NGLY1: variants seen among roughly 807,000 people sequenced by gnomAD.
NGLY1 encodes the protein peptide-N(4)-(N-acetyl-beta-glucosaminyl)asparagine amidase.
In NGLY1, 68 loss-of-function variants were observed where a neutral mutation model predicts 84.6. The ratio of observed to expected loss-of-function variants is 0.80; its 90% CI spans 0.66 to 0.98. The LOEUF (loss-of-function observed/expected upper bound fraction) is 0.98. NGLY1 is among the 50% of genes least tolerant of loss of function. The probability of loss-of-function intolerance (pLI) is 0.00; values close to 1 mark genes in which losing one functional copy is unlikely to be tolerated. For missense variants in NGLY1, 779 were observed against 770.2 expected (o/e 1.01, Z -0.14); for synonymous variants, 280 against 275.2 (o/e 1.02, Z -0.17).
chr3:25,735,527 T>C (rs1451938138), intron 7 of NGLY1: 2 of 152,794 alleles, frequency 1.3e-5, no homozygotes, highest in African/African-American at 4.8e-5. Context: ...AAAAGTCAGA[T>C]CATACTAAAT....
chr3:25,775,096 A>T (rs545654653), intron 2 of NGLY1, among the ~76,000 whole-genome samples: 1 of 152,338 alleles, frequency 6.6e-6, no homozygotes, highest in South Asian at 2.1e-4. Flanking sequence ...TCCCCGTCAC[A>T]CTTCGGGCAC....
chr3:25,772,299 A>C (rs943282881), intron 2 of NGLY1, among the ~76,000 whole-genome samples: 6 of 152,188 alleles, frequency 3.9e-5, no homozygotes, highest in Non-Finnish European at 8.8e-5. Flanking sequence ...TAGGTCTAGT[A>C]GCAATTGTTT....
intron 2 of NGLY1, among the ~76,000 whole-genome samples, chr3:25,772,574 T>C (rs1321391353): frequency 3.3e-5 from 5 of 152,220 alleles, no homozygotes; most frequent in Non-Finnish European, 5.9e-5. Flanking sequence ...AATACATGGT[T>C]GGTAAATTCT....
chr3:25,728,219 A>G (rs925543489), intron 10 of NGLY1, among the ~76,000 whole-genome samples: 2 of 152,142 alleles, frequency 1.3e-5, no homozygotes. Flanking sequence ...AGAGAAAAGC[A>G]GAGACCTTAT....
chr3:25,768,295 G>A (rs567715564), intron 2 of NGLY1, among the ~76,000 whole-genome samples: 5 of 150,684 alleles, frequency 3.3e-5, no homozygotes, highest in South Asian at 2.1e-4. Context: ...GCATGGTGGC[G>A]GACACCTGTA....
intron 2 of NGLY1, among the ~76,000 whole-genome samples, chr3:25,768,551 A>C (rs866715878): frequency 6.8e-6 from 1 of 148,018 alleles, no homozygotes; most frequent in African/African-American, 2.5e-5. Flanking sequence ...CAAAGATTTC[A>C]TAAGTAAGAC....
At chr3:25,750,832 T>C (rs1487363041) in intron 4 of NGLY1, among the ~76,000 whole-genome samples, 1 of 152,150 alleles carries the variant, frequency 6.6e-6, no homozygotes, top group Non-Finnish European at 1.5e-5. Flanking sequence ...ATGCTGGGGA[T>C]TGGTTCCAGG....
At chr3:25,783,530 AGGGGCGGGGTCCTCGGCCGGCAGGGG>A, upstream of NGLY1, 1 of 367,684 alleles carries the variant, frequency 2.7e-6, no homozygotes, top group Non-Finnish European at 3.7e-6. The surrounding 1 kb of genome is among the most constrained non-coding windows in gnomAD (Gnocchi z 4.5). Flanking sequence ...CTCGGCCGGC[AGGGGCGGGGTCCTCGGCCGGCAGGGG>A]CGGGGTCCTC....
exon 1 of NGLY1, chr3:25,789,873 T>C (rs1404203783): frequency 3.2e-6 from 5 of 1,551,750 alleles, no homozygotes; most frequent in Middle Eastern, 1.7e-4. Context: ...CATCGCGTTA[T>C]TGGCAGGTCC....
chr3:25,725,771 G>GAACAA (rs1305922760), intron 10 of NGLY1, among the ~76,000 whole-genome samples: 2 of 152,068 alleles, frequency 1.3e-5, no homozygotes, highest in African/African-American at 2.4e-5. Flanking sequence ...CTTGTAGAGT[G>GAACAA]AACAAAACAA....
intron 10 of NGLY1, among the ~76,000 whole-genome samples, chr3:25,727,613 C>T (rs374554422): frequency 2.0e-5 from 3 of 152,128 alleles, no homozygotes; most frequent in African/African-American, 7.2e-5. Flanking sequence ...GTTAAGATGG[C>T]GGTTTATGCT....
chr3:25,719,166 A>G lies in NGLY1; in HGVS notation c.*294T>C, dbSNP rs1704851180. ...TCATAATCATGAATAGCATTTAATC[A>G]TGAATATCATTATTTAACTTTTAAA... is the stretch of plus-strand genomic sequence containing the variant. On this transcript the variant is annotated 3_prime_UTR_variant, in exon 12 of 12. Transcript: ENST00000280700. The G allele has an allele frequency of 4.7e-6, 1 of 212,500 alleles. No individual in the cohort carries two copies. Among genetic ancestry groups the G allele is most frequent in the South Asian group, 1.7e-4 (1 of 6,040 alleles). The allele number at this position is 212,500 out of a possible 1,614,324, so 13.2% of individuals were successfully genotyped here.
intron 10 of NGLY1, among the ~76,000 whole-genome samples, chr3:25,725,422 CCT>C (rs1312211411): frequency 6.6e-6 from 1 of 152,092 alleles, no homozygotes; most frequent in African/African-American, 2.4e-5. Context: ...AACGTGTTTC[CCT>C]GAGTTCTATG....
At chr3:25,753,217 A>G (rs1706847163) in intron 3 of NGLY1, among the ~76,000 whole-genome samples, 1 of 152,220 alleles carries the variant, frequency 6.6e-6, no homozygotes, top group Non-Finnish European at 1.5e-5. Flanking sequence ...AAATTATTTG[A>G]TGTCAGATAT....
intron 2 of NGLY1, among the ~76,000 whole-genome samples, chr3:25,775,488 A>C (rs1708114511): frequency 6.6e-6 from 1 of 152,234 alleles, no homozygotes; most frequent in Non-Finnish European, 1.5e-5. Flanking sequence ...CATTTGCATC[A>C]TCATGGATGG....
chr3:25,743,907 C>G (rs1706284981), intron 4 of NGLY1, among the ~76,000 whole-genome samples: 2 of 152,052 alleles, frequency 1.3e-5, no homozygotes, highest in Non-Finnish European at 2.9e-5. Flanking sequence ...ACTAGGGGCT[C>G]AGAGAAATAA....
At chr3:25,778,463 T>C (rs1708252359) in intron 2 of NGLY1, 111 bp downstream of exon 2, 2 of 542,208 alleles carry the variant, frequency 3.7e-6, no homozygotes, top group Admixed American at 7.0e-5. Context: ...TTCTACTGAT[T>C]CCCAAAATGA....
intron 9 of NGLY1, chr3:25,730,697 T>C (rs1038353490): frequency 1.3e-5 from 2 of 152,126 alleles, no homozygotes; most frequent in African/African-American, 2.4e-5. Context: ...CTACAGACGA[T>C]GGGATAAATT....
upstream of NGLY1, among the ~76,000 whole-genome samples, chr3:25,787,996 C>T (rs1398077970): frequency 6.6e-6 from 1 of 152,192 alleles, no homozygotes; most frequent in Non-Finnish European, 1.5e-5. Context: ...TCTGACTTTA[C>T]GAGGTAGCAC....
Sources: gnomAD v4.1 joint callset for allele counts (sites outside exome capture counted in the v4.1 genomes callset) on GRCh38, gnomAD v4.1.1 for gene constraint, Gnocchi (gnomAD v3.1) non-coding constraint, MANE v1.5 for transcripts, NCBI Gene and HGNC (gene_info 2026-07-23, HGNC 2026-07-21) for gene names.